The following MYO1B variants were observed in gnomAD, a reference collection of about 807,000 sequenced individuals.
MYO1B encodes unconventional myosin-Ib.
In MYO1B, 72 loss-of-function variants were observed where a neutral mutation model predicts 159.7. The observed-to-expected ratio is 0.45, with a 90% CI of 0.37 to 0.55. The LOEUF (loss-of-function observed/expected upper bound fraction) is 0.55, where lower values mean the gene tolerates loss of function less well. Among genes scored for constraint, MYO1B ranks in the 20% least tolerant of loss-of-function variants. MYO1B has a pLI of 0.00. For synonymous variants in MYO1B, 468 were observed against 473.8 expected (o/e 0.99, Z 0.16); for missense variants, 1,062 against 1,364.8 (o/e 0.78, Z 3.50).
chr2:191,346,192 T>G, intron 5 of MYO1B, 44 bp from the exon 6 acceptor site: 1 of 1,381,174 alleles, frequency 7.2e-7, no homozygotes, highest in Non-Finnish European at 1.0e-6. Flanking sequence ...CTGCTTGAGA[T>G]TATTATTATT....
At chr2:191,330,207 A>T (rs7587661) in intron 4 of MYO1B, among the ~76,000 whole-genome samples, 178 bp downstream of exon 4, 1 of 152,166 alleles carries the variant, frequency 6.6e-6, no homozygotes, top group Admixed American at 6.5e-5. Context: ...GAGAAACAAG[A>T]TGCCTATCCA....
chr2:191,398,768 C>T (rs1302136648), intron 21 of MYO1B, among the ~76,000 whole-genome samples: 3 of 151,754 alleles, frequency 2.0e-5, no homozygotes, highest in Non-Finnish European at 4.4e-5. Context: ...CAGAGACGCT[C>T]CTCACTTTCC....
chr2:191,393,114 C>T lies in MYO1B; in HGVS notation c.2118C>T (p.Asp706=). The T allele has an allele frequency of 6.2e-7, 1 of 1,613,940 alleles. No homozygotes were observed. ...ACCTGAGGAAGCAACGCCTGGAGGA[C>T]TTGGCCACTCTCATTCAGAAGATAT... The part of the protein sequence containing the change: ...LEDLRKQRLE[D]LATLIQKIYR... The change falls in exon 20 of 31, where the codon GAC becomes GAT. Residue 706 remains aspartate (D), a synonymous_variant. Coordinates refer to ENST00000392318, the MANE Select transcript of MYO1B (RefSeq NM_001130158.3).
rs144208399 is a variant in MYO1B at position 191,369,874 on chromosome 2, G to A, written c.1119+246G>A. 1.3e-3 allele frequency among the ~76,000 whole-genome samples: 201 copies of A among 152,184 alleles called. 1 individual carries two copies. The highest frequency in any genetic ancestry group is 4.6e-3 in the African/African-American group (189 of 41,512). ...TCTTTGTGGAGTTACTCTGGGAGTCGGCGTCCCAGGTTTTGGCCTGGCTCA... is the reference window on the plus strand; with the variant it reads ...TCTTTGTGGAGTTACTCTGGGAGTCAGCGTCCCAGGTTTTGGCCTGGCTCA... On this transcript the variant is annotated intron_variant, in intron 12 of 30. Transcript: ENST00000392318.
intron 1 of MYO1B, chr2:191,248,106 CTT>C: frequency 1.3e-6 from 1 of 777,938 alleles, no homozygotes; most frequent in Non-Finnish European, 1.6e-6. Context: ...TTCTACCTCC[CTT>C]CTACTGTTTT....
rs746728776 is a variant in MYO1B, at chr2:191,392,161, C to G, written c.2036C>G (p.Ser679Cys). The G allele has an allele frequency of 1.9e-6, 3 of 1,608,890 alleles. No homozygotes were observed. Among genetic ancestry groups the G allele is most frequent in the Non-Finnish European group, 2.6e-6 (3 of 1,176,284 alleles). ...NELEIPVEEY[S>C]FGRSKIFIRN... ...TTAGAAATTCCCGTGGAAGAATACTCCTTTGGTAGATCAAAGATATTCATC... is the reference window on the plus strand; with the variant it reads ...TTAGAAATTCCCGTGGAAGAATACTGCTTTGGTAGATCAAAGATATTCATC... The change falls in exon 19 of 31, where the codon TCC becomes TGC. Residue 679 changes from serine to cysteine, a missense_variant. Around this residue, in one of 5 missense-constraint regions of MYO1B, gnomAD observed 609 missense variants for 744.4 expected, o/e 0.82. Transcript: ENST00000392318.
At position 191,245,413 on chromosome 2, in the gene MYO1B, G is replaced by C. The variant is rs1685717176; in HGVS notation, c.-223G>C. On this transcript the variant is annotated 5_prime_UTR_variant, in exon 1 of 31. Transcript: ENST00000392318. ...TCCTCCCGCCGCCGCTGAGCACTCC[G>C]CAGCTGGGTGCGCACGGGAGCCTCA... 1 of 152,010 alleles carries C rather than the reference G, an allele frequency of 6.6e-6. No homozygotes were observed. Among genetic ancestry groups the C allele is most frequent in the Admixed American group, 6.6e-5 (1 of 15,258 alleles). 9.4% of individuals were successfully genotyped at this position (152,010 alleles called of 1,614,324 possible).
At chr2:191,370,534 G>T (rs1031354257) in intron 13 of MYO1B, among the ~76,000 whole-genome samples, 5 of 151,982 alleles carry the variant, frequency 3.3e-5, no homozygotes, top group African/African-American at 1.2e-4. Flanking sequence ...TGTGGTGTGC[G>T]TATGCTGAGA....
At position 191,275,559 on chromosome 2, in the gene MYO1B, G is replaced by C. The variant is rs145739700; in HGVS notation, c.-9-1328G>C. 3.2e-3 allele frequency among the ~76,000 whole-genome samples: 485 copies of C among 152,240 alleles called. 2 individuals are homozygous for C. The highest frequency in any genetic ancestry group is 5.5e-3 in the Non-Finnish European group (376 of 68,016). ...ACTGGATGTTCTAGACTAGAAGTGG[G>C]GGACATTTGTTTAAGTTGCTGAGAT... On this transcript the variant is annotated intron_variant, in intron 1 of 30. Transcript: ENST00000392318.
At chr2:191,283,058 A>G (rs1397717020) in intron 2 of MYO1B, among the ~76,000 whole-genome samples, 1 of 152,208 alleles carries the variant, frequency 6.6e-6, no homozygotes, top group African/African-American at 2.4e-5. Flanking sequence ...GGTGAAGGGA[A>G]ATGTCATGTC....
In MYO1B at chr2:191,261,282, T is replaced by G. The variant is rs187970858; in HGVS notation, c.-9-15605T>G. 2.5e-3 allele frequency among the ~76,000 whole-genome samples: 380 copies of G among 152,342 alleles called. 2 individuals are homozygous for G. The highest frequency in any genetic ancestry group is 3.8e-3 in the Non-Finnish European group (256 of 68,024). On this transcript the variant is annotated intron_variant, in intron 1 of 30. Transcript: ENST00000392318. ...AAAGAATTGTTGTTTCTATGAAAAT[T>G]CATTTGAATTCTTTGGAAATCACCT...
intron 2 of MYO1B, among the ~76,000 whole-genome samples, chr2:191,282,963 C>T (rs780459014): frequency 1.9e-4 from 29 of 152,196 alleles, no homozygotes; most frequent in Non-Finnish European, 3.2e-4. Flanking sequence ...TTGTGTGTGC[C>T]TTCCAGAGTG....
At chr2:191,398,275 C>T (rs1379724576) in intron 21 of MYO1B, among the ~76,000 whole-genome samples, 2 of 93,820 alleles carry the variant, frequency 2.1e-5, no homozygotes, top group South Asian at 3.6e-4. Flanking sequence ...CCGGACGGGG[C>T]GGCTGGCCGG....
At position 191,282,009 on chromosome 2, in the gene MYO1B, A is replaced by G. The variant is rs1234733190; in HGVS notation, c.135+4979A>G. Among the ~76,000 whole-genome samples, 4 of 152,178 alleles carry G rather than the reference A, an allele frequency of 2.6e-5. 1 individual carries two copies. Among genetic ancestry groups the G allele is most frequent in the Middle Eastern group, 3.2e-3 (1 of 316 alleles). On this transcript the variant is annotated intron_variant, in intron 2 of 30. Transcript: ENST00000392318. The stretch of plus-strand genomic sequence containing the variant: ...GGATGAGATTAGATACTTTTATGAA[A>G]GATACTCAAGATATAGTACCATATA...
At chr2:191,331,214 G>C (rs1050336085) in intron 4 of MYO1B, among the ~76,000 whole-genome samples, 1 of 152,124 alleles carries the variant, frequency 6.6e-6, no homozygotes, top group African/African-American at 2.4e-5. Context: ...GCTCTAGGTG[G>C]TCAGAAATGA....
intron 11 of MYO1B, 109 bp from the exon 12 acceptor site, chr2:191,369,433 G>A: frequency 1.2e-6 from 1 of 819,420 alleles, no homozygotes; most frequent in Non-Finnish European, 1.9e-6. Context: ...CTGCAAAGAT[G>A]TGAAATAAAA....
intron 11 of MYO1B, among the ~76,000 whole-genome samples, chr2:191,366,751 C>A (rs1439197624): frequency 1.3e-5 from 2 of 152,040 alleles, no homozygotes; most frequent in Non-Finnish European, 2.9e-5. Context: ...CCTATCACCC[C>A]CCATGTCATG....
chr2:191,377,776 A>G (rs1694799676), intron 13 of MYO1B: 1 of 152,230 alleles, frequency 6.6e-6, no homozygotes, highest in Non-Finnish European at 1.5e-5. Context: ...TTTTAATCAT[A>G]TGTGCAGTCC....
chr2:191,322,135 G>A (rs1042177839), intron 3 of MYO1B, among the ~76,000 whole-genome samples: 6 of 152,166 alleles, frequency 3.9e-5, no homozygotes, highest in Non-Finnish European at 8.8e-5. Flanking sequence ...ACCCCAACAG[G>A]ATGCTCCGCT....
Sources: gnomAD v4.1 joint callset for allele counts (sites outside exome capture counted in the v4.1 genomes callset) on GRCh38, gnomAD v4.1.1 for gene constraint, gnomAD v4.1.1 regional missense constraint, MANE v1.5 for transcripts, NCBI Gene and HGNC (gene_info 2026-07-23, HGNC 2026-07-21) for gene names.